EPB41L1: variants seen among roughly 807,000 people sequenced by gnomAD.
The protein encoded by EPB41L1 is band 4.1-like protein 1.
In EPB41L1, 29 loss-of-function variants were observed where a neutral mutation model predicts 97.8. The observed-to-expected ratio is 0.30, with a 90% CI of 0.22 to 0.40. The LOEUF (loss-of-function observed/expected upper bound fraction) is 0.40. EPB41L1 is among the 10% of genes least tolerant of loss of function. The pLI is 1.00. For synonymous variants in EPB41L1, 383 were observed against 459.2 expected (o/e 0.83, Z 2.12); for missense variants, 812 against 1,162.3 (o/e 0.70, Z 4.38).
At chr20:36,107,211 C>CTTT (rs397864874) in intron 1 of EPB41L1, among the ~76,000 whole-genome samples, 19 of 114,198 alleles carry the variant, frequency 1.7e-4, no homozygotes, top group Non-Finnish European at 2.7e-4. Flanking sequence ...GAGAATATAC[C>CTTT]TTTTTTTTTT....
chr20:36,188,391 C>A lies in EPB41L1; in HGVS notation c.918C>A (p.Gly306=), dbSNP rs572481104. The change falls in exon 9 of 22, where the codon GGC becomes GGA. Residue 306 remains glycine (G), a synonymous_variant. Transcript: ENST00000338074. ...TCATGTTAGGCGTTTGTGCCAATGG[C>A]CTGCTCATCTACCGGGACCGGCTGA... is the stretch of plus-strand genomic sequence containing the variant. The part of the protein sequence containing the change: ...IDIMLGVCAN[G]LLIYRDRLRI... 174 of 1,613,990 alleles carry A rather than the reference C, an allele frequency of 1.1e-4. No individual in the cohort carries two copies. In the South Asian group the frequency reaches 1.8e-3, roughly 16 times the overall value.
intron 17 of EPB41L1, among the ~76,000 whole-genome samples, chr20:36,218,639 G>T (rs1024611161): frequency 6.6e-6 from 1 of 152,190 alleles, no homozygotes; most frequent in African/African-American, 2.4e-5. Flanking sequence ...TGTTCCTAAC[G>T]CCAGACAGTC....
chr20:36,149,451 C>T (rs2059961081), intron 2 of EPB41L1, among the ~76,000 whole-genome samples: 1 of 152,166 alleles, frequency 6.6e-6, no homozygotes, highest in Admixed American at 6.5e-5. Flanking sequence ...AGGGTAAGGT[C>T]TCTGGGAACT....
At position 36,195,722 on chromosome 20, in the gene EPB41L1, T is replaced by C. The variant is rs2062164949; in HGVS notation, c.1485+358T>C. On this transcript the variant is annotated intron_variant, in intron 13 of 21. Transcript: ENST00000338074. This position sits in a 1 kb window ranked among gnomAD's most constrained non-coding sequence, Gnocchi z 4.6. ...CCATTCTGTGCTTTCATTTAGCACA[T>C]CTCCCCTGACCCACCCCTTCCCTAG... 6.6e-6 allele frequency among the ~76,000 whole-genome samples: 1 copy of C among 151,526 alleles called. No homozygotes were observed. The highest frequency in any genetic ancestry group is 2.4e-5 in the African/African-American group (1 of 41,298).
At chr20:36,143,022 C>G (rs759725277) in intron 2 of EPB41L1, among the ~76,000 whole-genome samples, 8 of 152,160 alleles carry the variant, frequency 5.3e-5, no homozygotes, top group Admixed American at 1.3e-4. Flanking sequence ...TGGAACTGCT[C>G]TCACCATCCT....
At chr20:36,182,164 T>G in intron 5 of EPB41L1, 108 bp from the exon 6 acceptor site, 10 of 949,732 alleles carry the variant, frequency 1.1e-5, no homozygotes, top group Non-Finnish European at 1.4e-5. Flanking sequence ...TGGATTGTCC[T>G]GAGATTATAC....
chr20:36,189,000 T>C (rs2061824068), intron 9 of EPB41L1, among the ~76,000 whole-genome samples: 1 of 152,108 alleles, frequency 6.6e-6, no homozygotes, highest in African/African-American at 2.4e-5. Flanking sequence ...AGTATGGAAG[T>C]TTGTACACAT....
chr20:36,227,261 G>T (rs1311680599), intron 21 of EPB41L1, among the ~76,000 whole-genome samples: 2 of 152,110 alleles, frequency 1.3e-5, no homozygotes, highest in African/African-American at 4.8e-5. Flanking sequence ...AGGCTGCAAT[G>T]AGCTATGATC....
intron 14 of EPB41L1, among the ~76,000 whole-genome samples, chr20:36,204,641 C>T (rs565840554): frequency 6.6e-6 from 1 of 151,046 alleles, no homozygotes; most frequent in East Asian, 1.9e-4. Context: ...TGAGCCACCG[C>T]GCCTGGCCTT....
In EPB41L1 at chr20:36,190,623, C is replaced by T. The variant is rs1600844100; in HGVS notation, c.1126C>T (p.Leu376=). Residue 376 remains leucine (L), a splice_region_variant and synonymous_variant, in exon 11 of 22, where the codon CTG becomes TTG. Coordinates refer to ENST00000338074, the MANE Select transcript of EPB41L1 (RefSeq NM_012156.2). This position sits in a 1 kb window ranked among gnomAD's most constrained non-coding sequence, Gnocchi z 5.8. The part of the protein sequence containing the change: ...VCIEHHTFFR[L]VSPEPPPKGF... ...CTCCCCTGCATCCCTCTGCTGCAGG[C>T]TGGTGTCCCCTGAGCCCCCACCCAA... 6.2e-7 allele frequency: 1 copy of T among 1,613,942 alleles called. No homozygotes were observed. The highest frequency in any genetic ancestry group is 8.5e-7 in the Non-Finnish European group (1 of 1,180,006).
chr20:36,168,689 G>C (rs2060843629), intron 1 of EPB41L1, among the ~76,000 whole-genome samples: 1 of 151,814 alleles, frequency 6.6e-6, no homozygotes, highest in South Asian at 2.1e-4. Flanking sequence ...GAGTAGCTGG[G>C]ATTACAGGCA....
intron 1 of EPB41L1, chr20:36,109,568 G>A (rs1042944461): frequency 3.3e-5 from 5 of 152,252 alleles, no homozygotes; most frequent in African/African-American, 1.2e-4. Flanking sequence ...GCCTCAAGGG[G>A]ACATTGGCCA....
chr20:36,146,176 T>G (rs922966071), intron 2 of EPB41L1, among the ~76,000 whole-genome samples: 18 of 152,248 alleles, frequency 1.2e-4, no homozygotes, highest in South Asian at 8.3e-4. Context: ...GTACTTTCTC[T>G]TACTAAACTG....
chr20:36,108,888 C>T (rs1449785350), intron 1 of EPB41L1, among the ~76,000 whole-genome samples: 1 of 151,828 alleles, frequency 6.6e-6, no homozygotes, highest in African/African-American at 2.4e-5. Flanking sequence ...CCGGGCCTTG[C>T]CCCTTGGTGG....
chr20:36,142,958 G>A (rs1250889892), intron 2 of EPB41L1, among the ~76,000 whole-genome samples: 2 of 152,186 alleles, frequency 1.3e-5, no homozygotes, highest in East Asian at 1.9e-4. Context: ...GTCCATTCAC[G>A]TAGTGGAGAG....
chr20:36,185,075 G>T, intron 6 of EPB41L1, 42 bp from the exon 7 acceptor site: 1 of 1,590,952 alleles, frequency 6.3e-7, no homozygotes, highest in South Asian at 1.1e-5. Flanking sequence ...ATCTAGGGAG[G>T]AGTAGGGCCC....
upstream of EPB41L1, chr20:36,152,899 A>G (rs149048596): frequency 3.6e-3 from 1,647 of 452,354 alleles, 31 homozygotes; most frequent in African/African-American, 0.029. Context: ...AAGGCTGCCA[A>G]GCAGGACACT....
intron 2 of EPB41L1, among the ~76,000 whole-genome samples, chr20:36,137,612 C>T (rs1002301706): frequency 6.6e-6 from 1 of 152,074 alleles, no homozygotes; most frequent in Non-Finnish European, 1.5e-5. Flanking sequence ...GCAATCTCCG[C>T]CTCCTGGGTT....
Position 36,190,324 on chromosome 20 carries a change from G to A in EPB41L1, c.1074G>A (p.Arg358=). ...STIGFKLPNH[R]SAKRLWKVCI... ...TTGGCTTTAAGCTCCCAAACCACCGGTCAGCCAAGAGACTGTGGAAGGTCT... is the reference window on the plus strand; with the variant it reads ...TTGGCTTTAAGCTCCCAAACCACCGATCAGCCAAGAGACTGTGGAAGGTCT... Residue 358 remains arginine (R), a synonymous_variant, in exon 10 of 22, where the codon CGG becomes CGA. Transcript: ENST00000338074. This position sits in a 1 kb window ranked among gnomAD's most constrained non-coding sequence, Gnocchi z 5.8. The A allele has an allele frequency of 1.2e-6, 2 of 1,614,196 alleles. No homozygotes were observed. The highest frequency in any genetic ancestry group is 1.7e-6 in the Non-Finnish European group (2 of 1,180,038).
Sources: allele counts gnomAD v4.1 joint callset (sites outside exome capture counted in the v4.1 genomes callset), GRCh38; gene constraint gnomAD v4.1.1; non-coding constraint Gnocchi (gnomAD v3.1); transcripts MANE v1.5; gene names NCBI Gene and HGNC (gene_info 2026-07-23, HGNC 2026-07-21).